Variants in BIRC6 observed in about 807,000 individuals in gnomAD.
The protein encoded by BIRC6 is baculoviral IAP repeat containing 6, also known as dual E2 ubiquitin-conjugating enzyme/E3 ubiquitin-protein ligase BIRC6.
In BIRC6, 98 loss-of-function variants were observed where a neutral mutation model predicts 503.3. That is an observed-to-expected ratio of 0.19 (90% CI 0.17 to 0.23). The LOEUF (loss-of-function observed/expected upper bound fraction) is 0.23. Ranked by LOEUF, BIRC6 falls within the 10% of genes least tolerant of loss-of-function variation. The probability of loss-of-function intolerance (pLI) is 1.00; values close to 1 mark genes in which losing one functional copy is unlikely to be tolerated. For synonymous variants in BIRC6, 2,240 were observed against 2,078.7 expected, an observed-to-expected ratio of 1.08 and a Z score of -2.11; for missense variants, 5,360 against 5,806.0, an observed-to-expected ratio of 0.92 and a Z score of 2.50.
At chr2:32,595,003 A>G (rs759892822) in intron 67 of BIRC6, 31 bp from the exon 68 acceptor site, 2 of 1,269,358 alleles carry the variant, frequency 1.6e-6, no homozygotes, top group Non-Finnish European at 2.2e-6. Flanking sequence ...TAAAATGTAT[A>G]TGTTATTTAT....
intron 63 of BIRC6, among the ~76,000 whole-genome samples, chr2:32,547,245 T>C (rs1057511328): frequency 1.3e-5 from 2 of 152,218 alleles, no homozygotes; most frequent in Non-Finnish European, 2.9e-5. Flanking sequence ...TTTTGAGTCA[T>C]TGACTTTTTA....
intron 65 of BIRC6, among the ~76,000 whole-genome samples, chr2:32,551,961 A>G (rs2058455097): frequency 6.6e-6 from 1 of 152,202 alleles, no homozygotes; most frequent in Admixed American, 6.5e-5. Context: ...ATTTGCTTAT[A>G]TTGCTAGCAG....
intron 1 of BIRC6, among the ~76,000 whole-genome samples, chr2:32,368,408 T>TACACCA (rs2035282383): frequency 1.3e-5 from 2 of 151,944 alleles, no homozygotes; most frequent in Non-Finnish European, 2.9e-5. Flanking sequence ...GGCGTGGTGG[T>TACACCA]GTGCCCCTGT....
intron 67 of BIRC6, 198 bp downstream of exon 67, chr2:32,594,258 C>T: frequency 2.0e-6 from 1 of 504,524 alleles, no homozygotes; most frequent in African/African-American, 2.0e-5. Flanking sequence ...AACATTTCTA[C>T]TATATATGAT....
intron 47 of BIRC6, 73 bp from the exon 48 acceptor site, chr2:32,502,722 T>C (rs1345253350): frequency 6.3e-6 from 7 of 1,118,638 alleles, no homozygotes; most frequent in South Asian, 1.6e-5. Context: ...TAGGAAGGAA[T>C]ATTACATGCA....
At chr2:32,562,615 G>C (rs2059273513) in intron 65 of BIRC6, among the ~76,000 whole-genome samples, 1 of 152,098 alleles carries the variant, frequency 6.6e-6, no homozygotes, top group African/African-American at 2.4e-5. Context: ...CTAATCCCCA[G>C]ACCTCTGGTA....
intron 65 of BIRC6, among the ~76,000 whole-genome samples, chr2:32,553,197 C>CAAAAAAAAAAAAAAAAAAAAAAAAAAAAA (rs763552918): frequency 1.1e-4 from 4 of 34,950 alleles, no homozygotes; most frequent in Non-Finnish European, 1.5e-4. Context: ...AACTCTGTCT[C>CAAAAAAAAAAAAAAAAAAAAAAAAAAAAA]AAAAAAAAAA....
At chr2:32,473,027 CTG>C (rs1487749905) in intron 32 of BIRC6, 83 bp from the exon 33 acceptor site, 8 of 1,164,340 alleles carry the variant, frequency 6.9e-6, no homozygotes, top group Non-Finnish European at 8.4e-6. Context: ...ACATGTATAA[CTG>C]TGTTTTTTGT....
At chr2:32,614,663 A>G (rs1013014788) in intron 73 of BIRC6, among the ~76,000 whole-genome samples, 1 of 144,086 alleles carries the variant, frequency 6.9e-6, no homozygotes, top group Non-Finnish European at 1.5e-5. Flanking sequence ...CCCCAACTCT[A>G]TTAAAAGAAA....
At chr2:32,401,057 C>A in intron 6 of BIRC6, 106 bp from the exon 7 acceptor site, 1 of 938,024 alleles carries the variant, frequency 1.1e-6, no homozygotes, top group Non-Finnish European at 1.6e-6. Context: ...ATGATGAATA[C>A]TTTAAGTTCA....
At position 32,496,416 on chromosome 2, in the gene BIRC6, G is replaced by A. The variant is rs529057279; in HGVS notation, c.8468+2749G>A. On this transcript the variant is annotated intron_variant, in intron 45 of 73. Coordinates refer to ENST00000421745, the MANE Select transcript of BIRC6 (RefSeq NM_016252.4). ...TTTTTGTATTTTCAGTAGAGATGGG[G>A]TTTTGCCATGTTGGCCAGGCTGGTC... Among the ~76,000 whole-genome samples, 5 of 152,128 alleles carry A rather than the reference G, an allele frequency of 3.3e-5. No homozygotes were observed. The East Asian group carries it at 9.7e-4, about 30-fold the overall frequency.
chr2:32,433,688 C>A lies in BIRC6; in HGVS notation c.3293C>A (p.Ala1098Asp). Residue 1098 changes from alanine to aspartate, a missense_variant, in exon 13 of 74, where the codon GCT becomes GAT. Ala to Asp is a moderately radical substitution (Grantham distance 126). Around this residue, in one of 16 missense-constraint regions of BIRC6, gnomAD observed 2,299 missense variants for 2,267.2 expected, o/e 1.01. Coordinates refer to ENST00000421745, the MANE Select transcript of BIRC6 (RefSeq NM_016252.4). ...GTATTTGAATTAGTACTACCTAAAG[C>A]TTGTATGGTTGGACATGTGGACTTC... is the stretch of plus-strand genomic sequence containing the variant. Reference protein sequence around the residue: ...EHVFELVLPKACMVGHVDFKF... With the variant: ...EHVFELVLPKDCMVGHVDFKF... 3 of 1,604,230 alleles carry A rather than the reference C, an allele frequency of 1.9e-6. No individual in the cohort carries two copies. Among genetic ancestry groups the A allele is most frequent in the Non-Finnish European group, 2.6e-6 (3 of 1,172,936 alleles).
At chr2:32,444,959 T>C (rs1312930981) in intron 20 of BIRC6, among the ~76,000 whole-genome samples, 1 of 152,192 alleles carries the variant, frequency 6.6e-6, no homozygotes, top group Non-Finnish European at 1.5e-5. Flanking sequence ...ACGCTTAAGT[T>C]TTGGCATGTA....
At chr2:32,411,388 C>T (rs2041855281) in intron 9 of BIRC6, among the ~76,000 whole-genome samples, 2 of 146,324 alleles carry the variant, frequency 1.4e-5, no homozygotes, top group South Asian at 4.3e-4. Context: ...CAATCTAAAT[C>T]ATTAAGGCAA....
chr2:32,501,930 T>G (rs1483457885), intron 47 of BIRC6, 42 bp downstream of exon 47: 1 of 1,531,660 alleles, frequency 6.5e-7, no homozygotes, highest in South Asian at 1.2e-5. Flanking sequence ...TCAAATAAAT[T>G]TATTGCGATG....
chr2:32,426,087 G>A (rs1211959096), intron 10 of BIRC6, among the ~76,000 whole-genome samples: 2 of 152,184 alleles, frequency 1.3e-5, no homozygotes, highest in South Asian at 2.1e-4. Flanking sequence ...TTGGTGGAGG[G>A]ACTGATCCCT....
intron 66 of BIRC6, among the ~76,000 whole-genome samples, chr2:32,590,252 T>G (rs1463245707): frequency 1.3e-5 from 2 of 152,198 alleles, no homozygotes; most frequent in African/African-American, 2.4e-5. Context: ...GATCAGTGCT[T>G]TTTGGTAAAT....
At position 32,357,087 on chromosome 2, in the gene BIRC6, G is replaced by C. The variant is rs1318211642; in HGVS notation, c.-75G>C. The C allele has an allele frequency of 2.7e-5, 35 of 1,293,710 alleles. No individual in the cohort carries two copies. The highest frequency in any genetic ancestry group is 1.3e-5 in the Non-Finnish European group (13 of 986,808). 80.1% of individuals were successfully genotyped at this position (1,293,710 alleles called of 1,614,324 possible). On this transcript the variant is annotated 5_prime_UTR_variant, in exon 1 of 74. Coordinates refer to ENST00000421745, the MANE Select transcript of BIRC6 (RefSeq NM_016252.4). This position sits in a 1 kb window ranked among gnomAD's most constrained non-coding sequence, Gnocchi z 4.9. Reference sequence around the variant, plus strand: ...CCGAGTTTGGCCCCTCCGGCCGGGCGATCGACGTTCCGCGTGCGTGCGGGC... The same window carrying C: ...CCGAGTTTGGCCCCTCCGGCCGGGCCATCGACGTTCCGCGTGCGTGCGGGC...
At chr2:32,582,585 G>A (rs986714489) in intron 66 of BIRC6, among the ~76,000 whole-genome samples, 5 of 152,082 alleles carry the variant, frequency 3.3e-5, no homozygotes, top group Non-Finnish European at 4.4e-5. Context: ...TCAACATGGC[G>A]AAACCCGTCT....
Sources: allele counts gnomAD v4.1 joint callset (sites outside exome capture counted in the v4.1 genomes callset), GRCh38; gene constraint gnomAD v4.1.1; regional missense constraint gnomAD v4.1.1; non-coding constraint Gnocchi (gnomAD v3.1); transcripts MANE v1.5; gene names NCBI Gene and HGNC (gene_info 2026-07-23, HGNC 2026-07-21).